The following GLIS3 variants were observed in gnomAD, a reference collection of about 807,000 sequenced individuals.
GLIS3 encodes zinc finger protein GLIS3.
GLIS3 carries 53 observed loss-of-function variants against 78.6 expected under a neutral mutation model. That is an observed-to-expected ratio of 0.67 (90% CI 0.54 to 0.85). The LOEUF (loss-of-function observed/expected upper bound fraction) is 0.85, where lower values mean the gene tolerates loss of function less well. Among genes scored for constraint, GLIS3 ranks in the 40% least tolerant of loss-of-function variants. GLIS3 has a pLI of 0.00. For missense variants in GLIS3, 1,703 were observed against 1,231.1 expected (o/e 1.38, Z -5.74); for synonymous variants, 684 against 509.9 (o/e 1.34, Z -4.60).
intron 2 of GLIS3, among the ~76,000 whole-genome samples, chr9:4,338,285 T>C (rs1173342167): frequency 1.3e-5 from 2 of 152,084 alleles, no homozygotes; most frequent in Non-Finnish European, 2.9e-5. Context: ...GGTCTTTCTG[T>C]AGACCTACTG....
intron 4 of GLIS3, among the ~76,000 whole-genome samples, chr9:3,985,709 C>T (rs982551320): frequency 2.0e-5 from 3 of 152,152 alleles, no homozygotes; most frequent in Non-Finnish European, 2.9e-5. Context: ...GCAAAGGAAG[C>T]AAAATTTTAG....
chr9:4,204,727 G>T (rs1224976419), intron 2 of GLIS3, among the ~76,000 whole-genome samples: 1 of 152,106 alleles, frequency 6.6e-6, no homozygotes, highest in Admixed American at 6.5e-5. Context: ...AGACCAGCCT[G>T]GGCAACTCAA....
At chr9:4,350,024 G>A (rs1311418815), upstream of GLIS3, among the ~76,000 whole-genome samples, 1 of 152,180 alleles carries the variant, frequency 6.6e-6, no homozygotes, top group Non-Finnish European at 1.5e-5. Context: ...AAGAGCAGTG[G>A]GGCAAAACTG....
At chr9:4,442,097 G>T in the GLIS3 span, among the ~76,000 whole-genome samples, 1 of 152,102 alleles carries the variant, frequency 6.6e-6, no homozygotes, top group Non-Finnish European at 1.5e-5. Context: ...TTCTTAGATG[G>T]GAGACTTTTC....
intron 4 of GLIS3, among the ~76,000 whole-genome samples, chr9:4,038,769 T>C (rs890404197): frequency 2.0e-5 from 3 of 152,186 alleles, no homozygotes; most frequent in African/African-American, 7.2e-5. Flanking sequence ...CTGTACAGCT[T>C]CCTTAATCCT....
intron 2 of GLIS3, among the ~76,000 whole-genome samples, chr9:4,332,588 C>T (rs1324809642): frequency 6.6e-6 from 1 of 152,232 alleles, no homozygotes; most frequent in African/African-American, 2.4e-5. Flanking sequence ...CAGAGCAGAC[C>T]AGCCCACCTG....
intron 7 of GLIS3, among the ~76,000 whole-genome samples, chr9:3,888,198 C>T (rs969899235): frequency 2.0e-4 from 30 of 152,142 alleles, no homozygotes; most frequent in African/African-American, 7.0e-4. Flanking sequence ...AGATCCCTCA[C>T]CTTTTTTTGG....
intron 6 of GLIS3, among the ~76,000 whole-genome samples, chr9:3,911,249 T>G (rs543947595): frequency 6.6e-6 from 1 of 152,198 alleles, no homozygotes; most frequent in East Asian, 1.9e-4. Flanking sequence ...TCTCACAGAG[T>G]TTACAGTGTG....
At chr9:4,247,799 T>C (rs893203999) in intron 2 of GLIS3, among the ~76,000 whole-genome samples, 2 of 152,232 alleles carry the variant, frequency 1.3e-5, no homozygotes, top group Admixed American at 6.6e-5. Context: ...TTTACTTTTA[T>C]GTAGTACAAT....
chr9:3,966,831 A>G (rs559228927), intron 4 of GLIS3, among the ~76,000 whole-genome samples: 1 of 151,854 alleles, frequency 6.6e-6, no homozygotes, highest in Non-Finnish European at 1.5e-5. Context: ...TATAAATTAC[A>G]CACCACAAAA....
At chr9:4,345,831 G>C (rs1354054200) in intron 2 of GLIS3, among the ~76,000 whole-genome samples, 1 of 152,190 alleles carries the variant, frequency 6.6e-6, no homozygotes, top group African/African-American at 2.4e-5. Context: ...TGGGGAAGTG[G>C]GGAGTAAGGC....
chr9:4,397,711 AGGG>A, the GLIS3 span, among the ~76,000 whole-genome samples: 24 of 43,798 alleles, frequency 5.5e-4, no homozygotes, highest in African/African-American at 2.3e-3. Context: ...GGAGGAAGGC[AGGG>A]AGGGAGGGAG....
intron 2 of GLIS3, among the ~76,000 whole-genome samples, chr9:4,208,495 G>A (rs1311992531): frequency 6.6e-6 from 1 of 152,202 alleles, no homozygotes; most frequent in Non-Finnish European, 1.5e-5. Flanking sequence ...TGTAACATGA[G>A]TGTCTGAAAA....
rs115346038 is a variant in GLIS3 at position 3,952,159 on chromosome 9, T to C, written c.1711-14970A>G. On this transcript the variant is annotated intron_variant, in intron 4 of 10. Transcript: ENST00000381971. ...CCCTAGACTTTTGGTGTTTATTATTTTTCTAATTTGAGCAAACCATGTAAG... is the reference window on the plus strand; with the variant it reads ...CCCTAGACTTTTGGTGTTTATTATTCTTCTAATTTGAGCAAACCATGTAAG... Among the ~76,000 whole-genome samples the C allele has an allele frequency of 5.3e-3, 807 of 152,246 alleles. 8 individuals are homozygous for C. The highest frequency in any genetic ancestry group is 0.019 in the African/African-American group (776 of 41,528).
chr9:4,387,263 A>G, the GLIS3 span, among the ~76,000 whole-genome samples: 1 of 152,148 alleles, frequency 6.6e-6, no homozygotes, highest in African/African-American at 2.4e-5. Flanking sequence ...GGCCTAGTGT[A>G]TGAGCTCAAT....
At chr9:3,940,411 A>G (rs1189714008) in intron 4 of GLIS3, among the ~76,000 whole-genome samples, 2 of 152,184 alleles carry the variant, frequency 1.3e-5, no homozygotes, top group African/African-American at 2.4e-5. Flanking sequence ...CGAGGTTCCT[A>G]AAGTTCAAGT....
At chr9:4,441,559 G>C in the GLIS3 span, among the ~76,000 whole-genome samples, 1 of 152,028 alleles carries the variant, frequency 6.6e-6, no homozygotes, top group Non-Finnish European at 1.5e-5. Flanking sequence ...GTTTTGTTGA[G>C]GATTTTTGTG....
At chr9:4,418,991 G>A in the GLIS3 span, among the ~76,000 whole-genome samples, 3 of 152,166 alleles carry the variant, frequency 2.0e-5, no homozygotes, top group Non-Finnish European at 2.9e-5. Context: ...AAACCGAATT[G>A]CTGAATCTTT....
intron 6 of GLIS3, among the ~76,000 whole-genome samples, chr9:3,930,481 A>G (rs1825543135): frequency 6.6e-6 from 1 of 152,206 alleles, no homozygotes; most frequent in South Asian, 2.1e-4. Flanking sequence ...TTCTTTTTTC[A>G]GTTAGTGCTT....
Sources: gnomAD v4.1 joint callset for allele counts (sites outside exome capture counted in the v4.1 genomes callset) on GRCh38, gnomAD v4.1.1 for gene constraint, MANE v1.5 for transcripts, NCBI Gene and HGNC (gene_info 2026-07-23, HGNC 2026-07-21) for gene names.